Variants in DNM1L observed in about 807,000 individuals in gnomAD.
DNM1L encodes dynamin 1L, also known as dynamin-1-like protein.
A neutral mutation model predicts 92.8 loss-of-function variants in DNM1L; 33 were observed. The ratio of observed to expected loss-of-function variants is 0.36; its 90% CI spans 0.27 to 0.48. DNM1L has a LOEUF of 0.48. Among genes scored for constraint, DNM1L ranks in the 20% least tolerant of loss-of-function variants. The pLI is 0.99. For synonymous variants in DNM1L, 284 were observed against 305.0 expected (o/e 0.93, Z 0.72); for missense variants, 485 against 888.8 (o/e 0.55, Z 5.78).
rs751818084 is a variant in DNM1L at position 32,737,163 on chromosome 12, T to TA, written c.1596+9dup. On this transcript the variant is annotated splice_region_variant and intron_variant, in intron 14 of 19. Transcript: ENST00000549701. ...CCTTCAGCTGTATCACGAGACAAGGTAAAAAAATGTTTTTAATGCATATTC... is the reference window on the plus strand; with the variant it reads ...CCTTCAGCTGTATCACGAGACAAGGTAAAAAAAATGTTTTTAATGCATATTC... 2.7e-5 allele frequency: 44 copies of TA among 1,613,490 alleles called. No homozygotes were observed. In the African/African-American group the frequency reaches 4.4e-4, roughly 16 times the overall value.
At chr12:32,720,225 C>T (rs781326889) in intron 7 of DNM1L, among the ~76,000 whole-genome samples, 5 of 152,052 alleles carry the variant, frequency 3.3e-5, no homozygotes, top group Non-Finnish European at 5.9e-5. Flanking sequence ...TAACACTGTT[C>T]GTTGTTTGTA....
intron 9 of DNM1L, among the ~76,000 whole-genome samples, chr12:32,729,585 G>A (rs2137508928): frequency 6.6e-6 from 1 of 152,146 alleles, no homozygotes; most frequent in African/African-American, 2.4e-5. Context: ...GAGTAGCTGG[G>A]ACTACAGGTG....
rs1350612845 is a variant in DNM1L, at chr12:32,717,400, A to C, written c.620-1243A>C. ...CTATATATAATATATAGTATATATA[A>C]TATATAATATATATTTTAAATATAT... is the stretch of plus-strand genomic sequence containing the variant. On this transcript the variant is annotated intron_variant, in intron 6 of 19. Transcript: ENST00000549701. Among the ~76,000 whole-genome samples, 4 of 65,604 alleles carry C rather than the reference A, an allele frequency of 6.1e-5. 1 individual carries two copies. The highest frequency in any genetic ancestry group is 1.5e-4 in the African/African-American group (2 of 13,746). The allele number at this position is 65,604 out of a possible 152,430, so 43.0% of individuals were successfully genotyped here.
rs1323041161 is a variant in DNM1L, at chr12:32,717,271, ATATAT to A, written c.620-1366_620-1362del. ...ATAGTATATATAGTATATATATACT[ATATAT>A]TATATATACACTATATATTTTATAT... On this transcript the variant is annotated intron_variant, in intron 6 of 19. Coordinates refer to ENST00000549701, the MANE Select transcript of DNM1L (RefSeq NM_012062.5). Among the ~76,000 whole-genome samples, 8 of 101,132 alleles carry A rather than the reference ATATAT, an allele frequency of 7.9e-5. 1 individual carries two copies. Among genetic ancestry groups the A allele is most frequent in the African/African-American group, 2.9e-4 (7 of 23,876 alleles). 66.3% of individuals were successfully genotyped at this position (101,132 alleles called of 152,430 possible).
At chr12:32,726,441 TC>T in intron 9 of DNM1L, 3 of 1,380,724 alleles carry the variant, frequency 2.2e-6, no homozygotes, top group Non-Finnish European at 1.0e-6. Context: ...TGGATCATTT[TC>T]CTCATCTCCT....
At chr12:32,720,643 T>G (rs765956978) in intron 7 of DNM1L, 21 bp from the exon 8 acceptor site, 1 of 1,613,652 alleles carries the variant, frequency 6.2e-7, no homozygotes, top group Non-Finnish European at 8.5e-7. Flanking sequence ...CTGAATAGTT[T>G]CGTTATTTTT....
At chr12:32,679,508 G>A in intron 1 of DNM1L, 43 bp downstream of exon 1, 1 of 1,564,992 alleles carries the variant, frequency 6.4e-7, no homozygotes. Flanking sequence ...GACCCCGGCC[G>A]CAGGCCTGGT....
In DNM1L at chr12:32,743,678, A is replaced by T. The variant is rs1333058514; in HGVS notation, c.*268A>T. The T allele has an allele frequency of 1.1e-5, 5 of 471,234 alleles. No homozygotes were observed. Among genetic ancestry groups the T allele is most frequent in the African/African-American group, 7.8e-5 (4 of 51,380 alleles). 29.2% of individuals were successfully genotyped at this position (471,234 alleles called of 1,614,324 possible). A position where few individuals can be genotyped will look rare whatever the true frequency, so the allele number is the denominator to read the frequency against. On this transcript the variant is annotated 3_prime_UTR_variant, in exon 20 of 20. Transcript: ENST00000549701. The stretch of plus-strand genomic sequence containing the variant: ...ACAGTTTCATCTGAACTTAACTTAA[A>T]AACAACTGTTAATGTTCTAGTTGTG...
At chr12:32,730,248 C>T (rs943965951) in intron 9 of DNM1L, among the ~76,000 whole-genome samples, 7 of 152,188 alleles carry the variant, frequency 4.6e-5, no homozygotes, top group African/African-American at 9.6e-5. Flanking sequence ...CCTGTAGTCC[C>T]AGCTACTTGG....
chr12:32,730,350 C>T (rs544243877), intron 9 of DNM1L, among the ~76,000 whole-genome samples: 101 of 152,034 alleles, frequency 6.6e-4, no homozygotes, highest in African/African-American at 5.1e-4. Flanking sequence ...GGCGACACAG[C>T]GAGACTCCGT....
At chr12:32,688,556 T>C (rs1952113883) in intron 1 of DNM1L, among the ~76,000 whole-genome samples, 1 of 152,244 alleles carries the variant, frequency 6.6e-6, no homozygotes. Flanking sequence ...GAGGATCCCT[T>C]GTTCATGACT....
At chr12:32,709,826 G>C (rs969870289) in intron 4 of DNM1L, among the ~76,000 whole-genome samples, 1 of 152,204 alleles carries the variant, frequency 6.6e-6, no homozygotes, top group African/African-American at 2.4e-5. Context: ...ATGCCAGATA[G>C]TGACATTTGT....
chr12:32,729,285 G>C (rs1954380995), intron 9 of DNM1L, among the ~76,000 whole-genome samples: 1 of 151,720 alleles, frequency 6.6e-6, no homozygotes, highest in Non-Finnish European at 1.5e-5. Context: ...GTTTCACCAT[G>C]CTGGCCAGGC....
chr12:32,737,838 T>C lies in DNM1L; in HGVS notation c.1597-27T>C, dbSNP rs370615044. 106 of 1,603,474 alleles carry C rather than the reference T, an allele frequency of 6.6e-5. No individual in the cohort carries two copies. The African/African-American group carries it at 9.6e-4, about 15-fold the overall frequency. On this transcript the variant is annotated intron_variant, in intron 14 of 19. Coordinates refer to ENST00000549701, the MANE Select transcript of DNM1L (RefSeq NM_012062.5). Reference sequence around the variant, plus strand: ...ATGCATTTTTGCATCCTTGATTTTTTTTCCCCCCTGGATTTTTTGCCTTTA... The same window carrying C: ...ATGCATTTTTGCATCCTTGATTTTTCTTCCCCCCTGGATTTTTTGCCTTTA...
At chr12:32,679,673 G>A in intron 1 of DNM1L, 1 of 1,267,260 alleles carries the variant, frequency 7.9e-7, no homozygotes, top group Non-Finnish European at 9.9e-7. Context: ...CGGAGAATCC[G>A]GGGCCCGGCC....
chr12:32,683,978 A>G (rs1295343269), intron 1 of DNM1L, among the ~76,000 whole-genome samples: 1 of 152,180 alleles, frequency 6.6e-6, no homozygotes, highest in Non-Finnish European at 1.5e-5. Context: ...CCGGCCAGTA[A>G]TTTGGATTTT....
intron 6 of DNM1L, among the ~76,000 whole-genome samples, chr12:32,717,854 A>C (rs1189428812): frequency 1.2e-5 from 1 of 83,690 alleles, no homozygotes; most frequent in African/African-American, 5.2e-5. Context: ...TATTTTATAA[A>C]TATACTATAT....
intron 18 of DNM1L, 34 bp downstream of exon 18, chr12:32,740,552 A>C: frequency 5.9e-6 from 9 of 1,520,790 alleles, no homozygotes; most frequent in Non-Finnish European, 8.2e-6. Flanking sequence ...ACGGACTTTA[A>C]TACTTCTGGA....
intron 1 of DNM1L, 22 bp downstream of exon 1, chr12:32,679,487 C>T (rs2137179543): frequency 6.3e-7 from 1 of 1,599,630 alleles, no homozygotes; most frequent in South Asian, 1.1e-5. Context: ...AGGCGGCGTT[C>T]GCTCGGGCCA....
Sources: gnomAD v4.1 joint callset for allele counts (sites outside exome capture counted in the v4.1 genomes callset) on GRCh38, gnomAD v4.1.1 for gene constraint, MANE v1.5 for transcripts, NCBI Gene and HGNC (gene_info 2026-07-23, HGNC 2026-07-21) for gene names.